The following FLG variants were observed in gnomAD, a reference collection of about 807,000 sequenced individuals.
The protein encoded by FLG is epidermal filaggrin.
FLG carries 6 observed loss-of-function variants against 3.8 expected under a neutral mutation model. That is an observed-to-expected ratio of 1.60 (90% CI 0.87 to 3.15). FLG has a LOEUF of 3.15. Ranked by LOEUF, FLG falls within the 30% of genes most tolerant of loss-of-function variation. The pLI is 0.00. For missense variants in FLG, 7,595 were observed against 5,050.9 expected (o/e 1.50, Z -15.27); for synonymous variants, 2,551 against 1,931.6 (o/e 1.32, Z -8.41).
Position 152,312,119 on chromosome 1 carries a change from A to G in FLG, c.2767T>C (p.Ser923Pro), listed in dbSNP as rs779575711. ...CCCTGGCCTGCCTGTGAGTGTCTAG[A>G]GATGTCGGCATGAGAGGAAGCTTCA... ...HHEASSHADI[S>P]RHSQAGQGQS... is the part of the protein sequence containing the mutation. Residue 923 changes from serine to proline, a missense_variant, in exon 3 of 3, where the codon TCT becomes CCT. Ser to Pro is a moderately conservative substitution (Grantham distance 74). Coordinates refer to ENST00000368799, the MANE Select transcript of FLG (RefSeq NM_002016.2). 3.7e-5 allele frequency: 59 copies of G among 1,613,882 alleles called. No homozygotes were observed. In the Middle Eastern group the frequency reaches 6.6e-4, roughly 18 times the overall value.
chr1:152,304,856 C>T lies in FLG; in HGVS notation c.10030G>A (p.Glu3344Lys), dbSNP rs751449776. The T allele has an allele frequency of 1.5e-5, 24 of 1,613,908 alleles. No homozygotes were observed. The highest frequency in any genetic ancestry group is 1.9e-5 in the Non-Finnish European group (23 of 1,179,978). The change falls in exon 3 of 3, where the codon GAG (glutamate) becomes AAG (lysine). Residue 3344 changes from glutamate to lysine, a missense_variant. Glu to Lys is a moderately conservative substitution (Grantham distance 56). Coordinates refer to ENST00000368799, the MANE Select transcript of FLG (RefSeq NM_002016.2). ...GTGTCTGACTCTTCTGAATGTCCCT[C>T]ACTATCACTGGCCTGACTACCACTG... Reference protein sequence around the residue: ...GSSGSQASDSEGHSEESDTQS... With the variant: ...GSSGSQASDSKGHSEESDTQS...
chr1:152,305,624 C>T lies in FLG; in HGVS notation c.9262G>A (p.Gly3088Arg), dbSNP rs75985828. The T allele has an allele frequency of 2.1e-3, 3,179 of 1,491,140 alleles. 497 individuals carry two copies. The African/African-American group carries it at 0.045, about 21-fold the overall frequency. The allele number at this position is 1,491,140 out of a possible 1,614,324, so 92.4% of individuals were successfully genotyped here. The part of the protein sequence containing the change: ...WTGPSTRGRQ[G>R]SRHEQAQDSS... ...TCTTGTGCCTGCTCATGGCGGGATC[C>T]TTGTCTTCCTCTAGTGCTGGGCCCC... The change falls in exon 3 of 3, where the codon GGA becomes AGA. Residue 3088 changes from glycine to arginine, a missense_variant. Gly to Arg is a moderately radical substitution (Grantham distance 125). Transcript: ENST00000368799.
rs761754522 is a variant in FLG, at chr1:152,309,924, G to T, written c.4962C>A (p.Gly1654=). 6.2e-7 allele frequency: 1 copy of T among 1,613,996 alleles called. No homozygotes were observed. The highest frequency in any genetic ancestry group is 8.5e-7 in the Non-Finnish European group (1 of 1,180,026). Residue 1654 remains glycine, a synonymous_variant, in exon 3 of 3, where the codon GGC becomes GGA. Transcript: ENST00000368799. ...CAGAGGAAGTCTCTGCATGACGAGT[G>T]CCTGATTGTCTGGAGCTCTCTGCAG... ...GHSAESSRQS[G]TRHAETSSGG...
Position 152,312,039 on chromosome 1 carries a change from G to C in FLG, c.2847C>G (p.Asp949Glu), listed in dbSNP as rs143420201. Reference sequence around the variant, plus strand: ...CTTCTGAATGTCCCTCACTGTCACTGTCCTGGCTAACACTGGATCCCTGGC... The same window carrying C: ...CTTCTGAATGTCCCTCACTGTCACTCTCCTGGCTAACACTGGATCCCTGGC... ...SRRQGSSVSQ[D>E]SDSEGHSEDS... Residue 949 changes from aspartate to glutamate, a missense_variant, in exon 3 of 3, where the codon GAC (aspartate) becomes GAG (glutamate). By Grantham distance (45) the Asp-to-Glu change is conservative (BLOSUM62 2). Coordinates refer to ENST00000368799, the MANE Select transcript of FLG (RefSeq NM_002016.2). 27 of 1,614,148 alleles carry C rather than the reference G, an allele frequency of 1.7e-5. No individual in the cohort carries two copies. The highest frequency in any genetic ancestry group is 1.6e-4 in the African/African-American group (12 of 75,050).
chr1:152,302,926 C>A lies in FLG; in HGVS notation c.11960G>T (p.Gly3987Val). Reference sequence around the variant, plus strand: ...CTGAGAGTGTCTAAACCCGGATTCACCATAATCATAATCTGCACTACCATA... The same window carrying A: ...CTGAGAGTGTCTAAACCCGGATTCAACATAATCATAATCTGCACTACCATA... Reference protein sequence around the residue: ...GSYGSADYDYGESGFRHSQHG... With the variant: ...GSYGSADYDYVESGFRHSQHG... Residue 3987 changes from glycine to valine, a missense_variant, in exon 3 of 3, where the codon GGT becomes GTT. Gly to Val is a moderately radical substitution (Grantham distance 109, BLOSUM62 -3). Coordinates refer to ENST00000368799, the MANE Select transcript of FLG (RefSeq NM_002016.2). 1 of 1,614,144 alleles carries A rather than the reference C, an allele frequency of 6.2e-7. No individual in the cohort carries two copies.
chr1:152,319,034 A>G (rs1175543705), intron 1 of FLG, among the ~76,000 whole-genome samples: 1 of 151,746 alleles, frequency 6.6e-6, no homozygotes, highest in Non-Finnish European at 1.5e-5. Flanking sequence ...AGATTCCAAG[A>G]TGAAAATCAG....
Position 152,308,458 on chromosome 1 carries a change from C to G in FLG, c.6428G>C (p.Gly2143Ala), listed in dbSNP as rs1652140557. Residue 2143 changes from glycine to alanine, a missense_variant, in exon 3 of 3, where the codon GGG becomes GCG. Physicochemically the swap from Gly to Ala is moderately conservative, Grantham distance 60 (BLOSUM62 0). Coordinates refer to ENST00000368799, the MANE Select transcript of FLG (RefSeq NM_002016.2). ...CCCCTGTCTTCCTCCTCTGCTTGGC[C>G]CCGGGTGTCCACGAATGGTGTCCTG... ...EGQDTIRGHP[G>A]PSRGGRQGSH... The G allele has an allele frequency of 1.2e-6, 2 of 1,613,698 alleles. No homozygotes were observed. Among genetic ancestry groups the G allele is most frequent in the Non-Finnish European group, 8.5e-7 (1 of 1,179,816 alleles).
Position 152,312,358 on chromosome 1 carries a change from C to T in FLG, c.2528G>A (p.Gly843Glu). 1.2e-6 allele frequency: 2 copies of T among 1,611,382 alleles called. No individual in the cohort carries two copies. The highest frequency in any genetic ancestry group is 1.7e-5 in the Admixed American group (1 of 59,492). Reference sequence around the variant, plus strand: ...TCCTCTTCTGCTTGACCCCGGGTGTCCACGAATGGTGTCCTGACCATCTTG... The same window carrying T: ...TCCTCTTCTGCTTGACCCCGGGTGTTCACGAATGGTGTCCTGACCATCTTG... ...ASQDGQDTIR[G>E]HPGSSRRGRQ... Residue 843 changes from glycine (G) to glutamate (E), a missense_variant, in exon 3 of 3, where the codon GGA becomes GAA. Gly to Glu is a moderately conservative substitution (Grantham distance 98, BLOSUM62 -2). Transcript: ENST00000368799.
At chr1:152,321,306 GA>G (rs1429064568) in intron 1 of FLG, among the ~76,000 whole-genome samples, 1 of 150,484 alleles carries the variant, frequency 6.6e-6, no homozygotes, top group Non-Finnish European at 1.5e-5. Context: ...TAAGCCCTAA[GA>G]AAGTATAATG....
At position 152,311,382 on chromosome 1, in the gene FLG, G is replaced by T. The variant is rs766224121; in HGVS notation, c.3504C>A (p.His1168Gln). The T allele has an allele frequency of 1.9e-6, 3 of 1,613,624 alleles. No individual in the cohort carries two copies. The highest frequency in any genetic ancestry group is 1.7e-4 in the Middle Eastern group (1 of 6,058). The change falls in exon 3 of 3, where the codon CAC becomes CAA. Residue 1168 changes from histidine to glutamine, a missense_variant. Coordinates refer to ENST00000368799, the MANE Select transcript of FLG (RefSeq NM_002016.2). ...GCCTTCCTCCTCTCCTTGACCCCGG[G>T]TGTGCACGAATGGTGTCCTGACCCT... is the stretch of plus-strand genomic sequence containing the variant. The part of the protein sequence containing the change: ...SQEGQDTIRA[H>Q]PGSRRGGRQG...
chr1:152,303,073 G>A lies in FLG; in HGVS notation c.11813C>T (p.Ser3938Phe), dbSNP rs1651703580. ...HGHFSSLSQD[S>F]AYHSGIQSRG... ...TGACTGTATTCCTGAGTGATACGCA[G>A]AATCTTGTGAAAGACTACTAAAGTG... The change falls in exon 3 of 3, where the codon TCT becomes TTT. Residue 3938 changes from serine (S) to phenylalanine (F), a missense_variant. By Grantham distance (155) the Ser-to-Phe change is radical. Coordinates refer to ENST00000368799, the MANE Select transcript of FLG (RefSeq NM_002016.2). The A allele has an allele frequency of 1.9e-6, 3 of 1,614,182 alleles. No individual in the cohort carries two copies. Among genetic ancestry groups the A allele is most frequent in the Non-Finnish European group, 2.5e-6 (3 of 1,180,034 alleles).
Position 152,319,168 on chromosome 1 carries a change from C to T in FLG, c.-21-3691G>A, listed in dbSNP as rs943861692. Among the ~76,000 whole-genome samples the T allele has an allele frequency of 2.0e-5, 3 of 151,452 alleles. No individual in the cohort carries two copies. In the South Asian group the frequency reaches 6.2e-4, roughly 31 times the overall value. On this transcript the variant is annotated intron_variant, in intron 1 of 2. Coordinates refer to ENST00000368799, the MANE Select transcript of FLG (RefSeq NM_002016.2). The stretch of plus-strand genomic sequence containing the variant: ...GATAATGATCTTCTAAATAAGGTGA[C>T]ATTTGTGCATTTTATTTTAGGTGTG...
At chr1:152,315,504 T>G (rs1446718979) in intron 1 of FLG, 27 bp from the exon 2 acceptor site, 9 of 1,536,294 alleles carry the variant, frequency 5.9e-6, no homozygotes, top group Non-Finnish European at 8.0e-6. Flanking sequence ...AAAATGCACT[T>G]TTTTATACAT....
rs562201369 is a variant in FLG at position 152,303,506 on chromosome 1, G to T, written c.11380C>A (p.Gln3794Lys). 21 of 1,614,058 alleles carry T rather than the reference G, an allele frequency of 1.3e-5. 1 individual carries two copies. In the East Asian group the frequency reaches 4.2e-4, roughly 33 times the overall value. The change falls in exon 3 of 3, where the codon CAG becomes AAG. Residue 3794 changes from glutamine to lysine, a missense_variant. Transcript: ENST00000368799. ...CCATGGGAGGCATCAGACCTTCCCT[G>T]GGATGTGGTGTGGCTGTGATGGGAC... is the stretch of plus-strand genomic sequence containing the variant. ...SGSHHSHTTS[Q>K]GRSDASHGQS...
In FLG at chr1:152,313,701, G is replaced by A. The variant is rs1652625675; in HGVS notation, c.1185C>T (p.Ser395=). The A allele has an allele frequency of 1.2e-6, 2 of 1,614,086 alleles. No homozygotes were observed. Among genetic ancestry groups the A allele is most frequent in the East Asian group, 4.5e-5 (2 of 44,880 alleles). The change falls in exon 3 of 3, where the codon TCC becomes TCT. Residue 395 remains serine (S), a synonymous_variant. Transcript: ENST00000368799. The part of the protein sequence containing the change: ...GSGHQQSADS[S]RHSATGRGQA... ...GCCCGCGCCCAGTGGCTGAGTGTCT[G>A]GAGCTGTCTGCTGACTGCTGGTGGC...
rs202105078 is a variant in FLG at position 152,305,122 on chromosome 1, C to G, written c.9764G>C (p.Arg3255Thr). The G allele has an allele frequency of 2.8e-4, 458 of 1,613,936 alleles. 1 individual carries two copies. Among genetic ancestry groups the G allele is most frequent in the Non-Finnish European group, 3.7e-4 (435 of 1,179,962 alleles). ...EQSRHGSRHP[R>T]SHHEDRAGHG... ...ACCGGCTCTGTCTTCGTGATGGGAC[C>G]TGGGGTGTCTGGAGCCGTGCCTTGA... The change falls in exon 3 of 3, where the codon AGG becomes ACG. Residue 3255 changes from arginine to threonine, a missense_variant. Arg to Thr is a moderately conservative substitution (Grantham distance 71). Transcript: ENST00000368799.
rs369395358 is a variant in FLG, at chr1:152,304,666, G to T, written c.10220C>A (p.Thr3407Asn). ...GTGGTGGGATCCTTGTCTTCGTCCA[G>T]TGCTGGTCCTGGTCCGCCCATGGGC... Reference protein sequence around the residue: ...ESAHGRTRTSTGRRQGSHHEQ... With the variant: ...ESAHGRTRTSNGRRQGSHHEQ... The change falls in exon 3 of 3, where the codon ACT (threonine) becomes AAT (asparagine). Residue 3407 changes from threonine to asparagine, a missense_variant. Thr to Asn is a moderately conservative substitution (Grantham distance 65, BLOSUM62 0). Coordinates refer to ENST00000368799, the MANE Select transcript of FLG (RefSeq NM_002016.2). 3.7e-6 allele frequency: 6 copies of T among 1,611,880 alleles called. 1 individual carries two copies. In the South Asian group the frequency reaches 5.5e-5, roughly 15 times the overall value.
chr1:152,311,508 C>G lies in FLG; in HGVS notation c.3378G>C (p.Gln1126His). The stretch of plus-strand genomic sequence containing the variant: ...TGGTCCGCCCATGGGCAGACTCAGA[C>G]TGTTCATGAGTGCTCACCTGGTAGA... ...SFIYQVSTHE[Q>H]SESAHGRTRT... Residue 1126 changes from glutamine to histidine, a missense_variant, in exon 3 of 3, where the codon CAG (glutamine) becomes CAC (histidine). Coordinates refer to ENST00000368799, the MANE Select transcript of FLG (RefSeq NM_002016.2). 1.2e-6 allele frequency: 2 copies of G among 1,613,960 alleles called. No homozygotes were observed. The highest frequency in any genetic ancestry group is 2.2e-5 in the South Asian group (2 of 91,062).
At position 152,311,222 on chromosome 1, in the gene FLG, T is replaced by C. The variant is rs190853474; in HGVS notation, c.3664A>G (p.Lys1222Glu). 1.6e-5 allele frequency: 26 copies of C among 1,613,370 alleles called. No homozygotes were observed. The African/African-American group carries it at 2.8e-4, about 17-fold the overall frequency. Residue 1222 changes from lysine to glutamate, a missense_variant, in exon 3 of 3, where the codon AAG becomes GAG. By Grantham distance (56) the Lys-to-Glu change is moderately conservative. Transcript: ENST00000368799. ...GAGCCGTCTCCTGATTGTTTGTCCT[T>C]ACGAGTTTGTCTGCTTGCACTTCTG... ...GSRSASRQTR[K>E]DKQSGDGSRH...
Sources: allele counts gnomAD v4.1 joint callset (sites outside exome capture counted in the v4.1 genomes callset), GRCh38; gene constraint gnomAD v4.1.1; transcripts MANE v1.5; gene names NCBI Gene and HGNC (gene_info 2026-07-23, HGNC 2026-07-21).